Variants in KIAA0232 observed in about 807,000 individuals in gnomAD.
The protein encoded by KIAA0232 is KIAA0232.
A neutral mutation model predicts 122.0 loss-of-function variants in KIAA0232; 27 were observed. The ratio of observed to expected loss-of-function variants is 0.22; its 90% confidence interval spans 0.16 to 0.31. The LOEUF is 0.31. KIAA0232 is among the 10% of genes least tolerant of loss of function. The probability of loss-of-function intolerance (pLI) is 1.00; values close to 1 mark genes in which losing one functional copy is unlikely to be tolerated. For synonymous variants in KIAA0232, 613 were observed against 587.6 expected (o/e 1.04, Z -0.63); for missense variants, 1,551 against 1,634.2 (o/e 0.95, Z 0.88).
rs115390572 is a variant in KIAA0232 at position 6,834,278 on chromosome 4, C to T, written c.232-7789C>T. Among the ~76,000 whole-genome samples, 1,071 of 152,134 alleles carry T rather than the reference C, an allele frequency of 7.0e-3. 9 individuals are homozygous for T. Among genetic ancestry groups the T allele is most frequent in the South Asian group, 0.021 (99 of 4,810 alleles). On this transcript the variant is annotated intron_variant, in intron 3 of 9. Coordinates refer to ENST00000307659, the MANE Select transcript of KIAA0232 (RefSeq NM_014743.3). ...TACAAATTATGTGCATATCTAATAT[C>T]GTTACTGAGGATTAAAGGAGATTCA...
At chr4:6,879,053 G>A (rs1410907684) in intron 9 of KIAA0232, among the ~76,000 whole-genome samples, 1 of 152,092 alleles carries the variant, frequency 6.6e-6, no homozygotes, top group Non-Finnish European at 1.5e-5. Flanking sequence ...GTTCCCCGCT[G>A]TCAGCCACTT....
intron 3 of KIAA0232, among the ~76,000 whole-genome samples, chr4:6,837,850 C>A (rs1040801535): frequency 6.6e-6 from 1 of 151,970 alleles, no homozygotes; most frequent in Non-Finnish European, 1.5e-5. Flanking sequence ...TTGCAGTGAG[C>A]CGAGATGGCG....
chr4:6,843,927 CTTTTTTTTTTTTTTTTT>C (rs373793407), intron 4 of KIAA0232, among the ~76,000 whole-genome samples: 1,911 of 46,532 alleles, frequency 0.041, 84 homozygotes, highest in African/African-American at 0.12. Flanking sequence ...AGTTACCCAT[CTTTTTTTTTTTTTTTTT>C]TTTTTTTTTT....
At chr4:6,837,426 C>T (rs1474590280) in intron 3 of KIAA0232, among the ~76,000 whole-genome samples, 5 of 148,226 alleles carry the variant, frequency 3.4e-5, no homozygotes, top group Non-Finnish European at 7.5e-5. Flanking sequence ...CCTCACTTCC[C>T]AGGCTGGGCG....
chr4:6,823,804 G>A (rs1349120683), intron 2 of KIAA0232, among the ~76,000 whole-genome samples: 1 of 151,234 alleles, frequency 6.6e-6, no homozygotes, highest in East Asian at 1.9e-4. Context: ...ATGATACTAA[G>A]CTTTTTAAAA....
intron 2 of KIAA0232, among the ~76,000 whole-genome samples, chr4:6,805,036 G>T (rs527410886): frequency 1.0e-3 from 156 of 152,232 alleles, no homozygotes; most frequent in African/African-American, 3.4e-3. Context: ...TTTCAGCTTT[G>T]ATATTTCCCT....
chr4:6,830,050 T>TGTG (rs939878137), intron 3 of KIAA0232, among the ~76,000 whole-genome samples: 1 of 152,242 alleles, frequency 6.6e-6, no homozygotes, highest in Non-Finnish European at 1.5e-5. Flanking sequence ...ATTAGGAGTC[T>TGTG]GTGATGATAA....
intron 9 of KIAA0232, among the ~76,000 whole-genome samples, chr4:6,880,302 C>CAG (rs1190728033): frequency 7.8e-5 from 1 of 12,872 alleles, no homozygotes; most frequent in African/African-American, 1.5e-4. Context: ...TCCCAACACA[C>CAG]AGGTCTGTAG....
chr4:6,825,733 A>G (rs1718643744), intron 3 of KIAA0232, among the ~76,000 whole-genome samples: 1 of 152,194 alleles, frequency 6.6e-6, no homozygotes, highest in African/African-American at 2.4e-5. Context: ...GCTCTGGGTG[A>G]CTTCTATCTA....
At chr4:6,820,583 C>T (rs1287636107) in intron 2 of KIAA0232, among the ~76,000 whole-genome samples, 1 of 152,178 alleles carries the variant, frequency 6.6e-6, no homozygotes, top group African/African-American at 2.4e-5. Flanking sequence ...AGTATTCTTA[C>T]ATTTCCCCAC....
intron 4 of KIAA0232, among the ~76,000 whole-genome samples, chr4:6,850,180 G>A (rs1218381425): frequency 6.6e-6 from 1 of 152,162 alleles, no homozygotes; most frequent in Non-Finnish European, 1.5e-5. Context: ...AGGGGCTGGG[G>A]TATGAAAACA....
Position 6,861,740 on chromosome 4 carries a change from A to G in KIAA0232, c.1358A>G (p.Asn453Ser), listed in dbSNP as rs1720882155. The G allele has an allele frequency of 9.9e-6, 16 of 1,614,206 alleles. No individual in the cohort carries two copies. The highest frequency in any genetic ancestry group is 1.3e-5 in the African/African-American group (1 of 75,068). The change falls in exon 7 of 10, where the codon AAT becomes AGT. Residue 453 changes from asparagine to serine, a missense_variant. This residue lies in a region of KIAA0232 where 1,108 missense variants were observed against 1,154.8 expected (regional missense o/e 0.96). Coordinates refer to ENST00000307659, the MANE Select transcript of KIAA0232 (RefSeq NM_014743.3). ...GTGCATGGTCTTTGTATCAGCAACA[A>G]TAATCTTCATAAAACATACCTCGCA... ...ESVHGLCISN[N>S]NLHKTYLAAG... is the part of the protein sequence containing the mutation.
At chr4:6,814,763 A>G (rs1718042856) in intron 2 of KIAA0232, among the ~76,000 whole-genome samples, 2 of 152,146 alleles carry the variant, frequency 1.3e-5, no homozygotes, top group South Asian at 4.2e-4. Context: ...AGATACTATG[A>G]TTGCTGAACT....
intron 5 of KIAA0232, among the ~76,000 whole-genome samples, chr4:6,857,454 A>G (rs1448397994): frequency 6.6e-6 from 1 of 152,106 alleles, no homozygotes; most frequent in Non-Finnish European, 1.5e-5. Context: ...CAAGGGAGGG[A>G]CTTAGTCCAC....
intron 1 of KIAA0232, among the ~76,000 whole-genome samples, chr4:6,785,783 C>A (rs1323485796): frequency 6.6e-6 from 1 of 152,210 alleles, no homozygotes; most frequent in Non-Finnish European, 1.5e-5. Context: ...CCCTTGCAGT[C>A]TGGCCCCCAG....
chr4:6,880,734 C>G lies in KIAA0232; in HGVS notation c.4009-53C>G, dbSNP rs1036067297. 43 of 1,297,240 alleles carry G rather than the reference C, an allele frequency of 3.3e-5. No homozygotes were observed. The Middle Eastern group carries it at 7.8e-4, about 23-fold the overall frequency. The allele number at this position is 1,297,240 out of a possible 1,614,324, so 80.4% of individuals were successfully genotyped here. Reference sequence around the variant, plus strand: ...TTGTATATAGATAGAGTATCTCACCCTTTTGGGGAAAAAAAAGTCTTTTTG... The same window carrying G: ...TTGTATATAGATAGAGTATCTCACCGTTTTGGGGAAAAAAAAGTCTTTTTG... On this transcript the variant is annotated intron_variant, in intron 9 of 9. Transcript: ENST00000307659.
In KIAA0232 at chr4:6,862,661, A is replaced by G. The variant is rs1173922931; in HGVS notation, c.2279A>G (p.Asp760Gly). 6.2e-7 allele frequency: 1 copy of G among 1,611,550 alleles called. No homozygotes were observed. The highest frequency in any genetic ancestry group is 1.7e-5 in the Admixed American group (1 of 59,460). The change falls in exon 7 of 10, where the codon GAT (aspartate) becomes GGT (glycine). Residue 760 changes from aspartate (D) to glycine (G), a missense_variant. Coordinates refer to ENST00000307659, the MANE Select transcript of KIAA0232 (RefSeq NM_014743.3). ...AATTATGTAGATGAAGAACTTCTAG[A>G]TTTTTTGCAAGATGAAACTTGCCAG... ...SSNYVDEELL[D>G]FLQDETCQQN... is the part of the protein sequence containing the mutation.
chr4:6,862,042 G>A lies in KIAA0232; in HGVS notation c.1660G>A (p.Val554Met). 1 of 1,614,220 alleles carries A rather than the reference G, an allele frequency of 6.2e-7. No individual in the cohort carries two copies. The highest frequency in any genetic ancestry group is 8.5e-7 in the Non-Finnish European group (1 of 1,180,032). Residue 554 changes from valine (V) to methionine (M), a missense_variant, in exon 7 of 10, where the codon GTG becomes ATG. Around this residue, in one of 5 missense-constraint regions of KIAA0232, gnomAD observed 1,108 missense variants for 1,154.8 expected, o/e 0.96. Coordinates refer to ENST00000307659, the MANE Select transcript of KIAA0232 (RefSeq NM_014743.3). ...NTDFEAECCI[V>M]LDGMELQGER... ...AGATTTTGAGGCAGAATGTTGCATA[G>A]TGTTAGATGGTATGGAGTTGCAAGG... is the stretch of plus-strand genomic sequence containing the variant.
At chr4:6,838,312 C>T (rs1719456075) in intron 3 of KIAA0232, among the ~76,000 whole-genome samples, 1 of 152,078 alleles carries the variant, frequency 6.6e-6, no homozygotes, top group Admixed American at 6.5e-5. Context: ...CCTCAGCCTT[C>T]CAAGTAGCTG....
Sources: gnomAD v4.1 joint callset for allele counts (sites outside exome capture counted in the v4.1 genomes callset) on GRCh38, gnomAD v4.1.1 for gene constraint, gnomAD v4.1.1 regional missense constraint, MANE v1.5 for transcripts, NCBI Gene and HGNC (gene_info 2026-07-23, HGNC 2026-07-21) for gene names.